The following HERC2 variants were observed in gnomAD, a reference collection of about 807,000 sequenced individuals.
The protein encoded by HERC2 is HECT and RLD domain containing E3 ubiquitin protein ligase 2.
HERC2 carries 102 observed loss-of-function variants against 537.7 expected under a neutral mutation model. The ratio of observed to expected loss-of-function variants is 0.19; its 90% confidence interval spans 0.16 to 0.22. HERC2 has a LOEUF of 0.22. Ranked by LOEUF, HERC2 falls within the 10% of genes least tolerant of loss-of-function variation. The pLI is 1.00. For missense variants in HERC2, 4,236 were observed against 6,198.2 expected (o/e 0.68, Z 10.63); for synonymous variants, 2,224 against 2,466.2 (o/e 0.90, Z 2.91).
intron 25 of HERC2, among the ~76,000 whole-genome samples, chr15:28,237,728 C>T (rs532111926): frequency 6.6e-6 from 1 of 152,230 alleles, no homozygotes; most frequent in South Asian, 2.1e-4. Flanking sequence ...TCTATGTGTT[C>T]GTGAATACAT....
At chr15:28,259,198 G>A (rs1252145921) in intron 16 of HERC2, among the ~76,000 whole-genome samples, 2 of 152,240 alleles carry the variant, frequency 1.3e-5, no homozygotes, top group South Asian at 2.1e-4. Context: ...AGATTCAAGC[G>A]ATTCTCCTGC....
intron 4 of HERC2, among the ~76,000 whole-genome samples, chr15:28,285,528 C>T (rs2076132763): frequency 6.6e-6 from 1 of 151,610 alleles, no homozygotes; most frequent in Non-Finnish European, 1.5e-5. Context: ...CATCAAAATG[C>T]ATGGGAAAGA....
intron 34 of HERC2, among the ~76,000 whole-genome samples, chr15:28,228,869 A>G (rs1434470827): frequency 1.3e-5 from 2 of 152,176 alleles, no homozygotes; most frequent in African/African-American, 2.4e-5. Context: ...CTTTTCCTCC[A>G]CAAAACCAAT....
intron 31 of HERC2, among the ~76,000 whole-genome samples, chr15:28,230,141 G>T (rs1413848933): frequency 1.3e-5 from 2 of 152,088 alleles, no homozygotes; most frequent in African/African-American, 2.4e-5. Flanking sequence ...AGGAATGAAT[G>T]GTGAATAATT....
chr15:28,129,499 CT>C (rs1889870842), intron 83 of HERC2, among the ~76,000 whole-genome samples: 1 of 152,230 alleles, frequency 6.6e-6, no homozygotes, highest in Admixed American at 6.5e-5. Flanking sequence ...GAACATGTCG[CT>C]TGTACAGACA....
intron 23 of HERC2, among the ~76,000 whole-genome samples, chr15:28,240,483 G>A (rs189426686): frequency 6.6e-6 from 1 of 152,064 alleles, no homozygotes; most frequent in African/African-American, 2.4e-5. Flanking sequence ...AAAATACAGA[G>A]AAGTATGAGA....
chr15:28,171,849 C>T (rs1227817022), intron 65 of HERC2, among the ~76,000 whole-genome samples: 2 of 151,954 alleles, frequency 1.3e-5, no homozygotes, highest in African/African-American at 2.4e-5. Flanking sequence ...CCGAGGTGGG[C>T]GGATCACGAG....
At chr15:28,205,962 G>A (rs1274229550) in intron 45 of HERC2, among the ~76,000 whole-genome samples, 1,192 of 151,228 alleles carry the variant, frequency 7.9e-3, no homozygotes, top group African/African-American at 0.028. Context: ...ATCCCTTCAT[G>A]AAGATGTGAG....
At chr15:28,304,881 A>G (rs1596449346) in intron 2 of HERC2, among the ~76,000 whole-genome samples, 1 of 80,082 alleles carries the variant, frequency 1.2e-5, no homozygotes, top group South Asian at 5.0e-4. Context: ...CCACCCCACC[A>G]CAGTCCCCAG....
intron 9 of HERC2, among the ~76,000 whole-genome samples, chr15:28,271,101 A>G (rs2075715411): frequency 6.6e-6 from 1 of 152,094 alleles, no homozygotes; most frequent in South Asian, 2.1e-4. Context: ...GCATGTATAC[A>G]TTTATGATAC....
At chr15:28,255,788 G>A in intron 19 of HERC2, 84 bp downstream of exon 19, 1 of 1,410,484 alleles carries the variant, frequency 7.1e-7, no homozygotes, top group South Asian at 1.3e-5. Flanking sequence ...GAGTTTTACT[G>A]TTTTCAGTTA....
chr15:28,165,685 T>C (rs1245916607), intron 68 of HERC2, among the ~76,000 whole-genome samples: 4 of 151,630 alleles, frequency 2.6e-5, no homozygotes, highest in Non-Finnish European at 5.9e-5. Flanking sequence ...TGCATGCTTG[T>C]AGTTCCAGCT....
Position 28,280,117 on chromosome 15 carries a change from C to T in HERC2, c.493G>A (p.Val165Ile), listed in dbSNP as rs1228529071. 1 of 1,614,140 alleles carries T rather than the reference C, an allele frequency of 6.2e-7. No homozygotes were observed. The highest frequency in any genetic ancestry group is 1.1e-5 in the South Asian group (1 of 91,046). Reference protein sequence around the residue: ...NRTVFQENVKVKWKSSGISLP... With the variant: ...NRTVFQENVKIKWKSSGISLP... ...GAAATACCGCTGCTTTTCCACTTAA[C>T]TTTGACATTCTCCTGAAAAACGGTT... Residue 165 changes from valine (V) to isoleucine (I), a missense_variant, in exon 5 of 93, where the codon GTT becomes ATT. This residue lies in a region of HERC2 where 491 missense variants were observed against 559.3 expected (regional missense o/e 0.88). Coordinates refer to ENST00000261609, the MANE Select transcript of HERC2 (RefSeq NM_004667.6).
intron 22 of HERC2, 75 bp downstream of exon 22, chr15:28,246,667 A>T (rs1903738230): frequency 7.7e-7 from 1 of 1,293,570 alleles, no homozygotes; most frequent in African/African-American, 1.5e-5. Flanking sequence ...AGGCATGCTG[A>T]TCAGCAAAGA....
At chr15:28,262,767 C>G (rs2075449376) in intron 15 of HERC2, 151 bp downstream of exon 15, 1 of 800,360 alleles carries the variant, frequency 1.2e-6, no homozygotes. Context: ...GTAAAAGTTT[C>G]TAATGACAGT....
chr15:28,226,343 C>G (rs935180832), intron 35 of HERC2, among the ~76,000 whole-genome samples: 4 of 150,832 alleles, frequency 2.7e-5, no homozygotes, highest in Non-Finnish European at 5.9e-5. Flanking sequence ...AGAAAGAAAA[C>G]ACACTTCTCA....
intron 52 of HERC2, among the ~76,000 whole-genome samples, chr15:28,193,338 G>C (rs1166775996): frequency 6.6e-6 from 1 of 152,096 alleles, no homozygotes; most frequent in Non-Finnish European, 1.5e-5. Flanking sequence ...CTGATAAATT[G>C]AATAATTAAA....
At chr15:28,179,429 G>A (rs560420434) in intron 57 of HERC2, among the ~76,000 whole-genome samples, 2 of 152,112 alleles carry the variant, frequency 1.3e-5, no homozygotes, top group Non-Finnish European at 1.5e-5. Flanking sequence ...TGTCCTGGCC[G>A]TGACAACGTC....
intron 2 of HERC2, among the ~76,000 whole-genome samples, chr15:28,308,739 TAA>T (rs1004395912): frequency 3.9e-5 from 6 of 152,328 alleles, no homozygotes; most frequent in Non-Finnish European, 5.9e-5. Context: ...TAACCAGTTT[TAA>T]GAGATTTTAT....
Sources: allele counts gnomAD v4.1 joint callset (sites outside exome capture counted in the v4.1 genomes callset), GRCh38; gene constraint gnomAD v4.1.1; regional missense constraint gnomAD v4.1.1; transcripts MANE v1.5; gene names NCBI Gene and HGNC (gene_info 2026-07-23, HGNC 2026-07-21).